Variants in ANGPTL2 observed in about 807,000 individuals in gnomAD.
ANGPTL2 encodes angiopoietin like 2.
Under a neutral mutation model 52.8 loss-of-function variants are expected in ANGPTL2, and 25 were observed. That is an observed-to-expected ratio of 0.47 (90% CI 0.35 to 0.66). The LOEUF (loss-of-function observed/expected upper bound fraction) is 0.66, where lower values mean the gene tolerates loss of function less well. Among genes scored for constraint, ANGPTL2 ranks in the 30% least tolerant of loss-of-function variants. The pLI is 0.01. For missense variants in ANGPTL2, 546 were observed against 656.9 expected, an observed-to-expected ratio of 0.83 and a Z score of 1.84; for synonymous variants, 276 against 277.4, an observed-to-expected ratio of 1.00 and a Z score of 0.05.
intron 2 of ANGPTL2, among the ~76,000 whole-genome samples, chr9:127,098,003 A>G (rs1258413528): frequency 1.3e-5 from 2 of 152,212 alleles, no homozygotes; most frequent in Non-Finnish European, 2.9e-5. Context: ...TGCTCTGTGA[A>G]GATTATCCCT....
intron 4 of ANGPTL2, among the ~76,000 whole-genome samples, chr9:127,090,022 A>G (rs114466746): frequency 5.9e-5 from 9 of 152,112 alleles, no homozygotes; most frequent in Non-Finnish European, 1.2e-4. Context: ...AGGAGGTCGC[A>G]CTCAGTCTGA....
intron 2 of ANGPTL2, among the ~76,000 whole-genome samples, chr9:127,099,772 A>C (rs1311107826): frequency 6.6e-6 from 1 of 152,272 alleles, no homozygotes; most frequent in African/African-American, 2.4e-5. Flanking sequence ...GTATGGTCCC[A>C]AAGGCATTTC....
intron 1 of ANGPTL2, among the ~76,000 whole-genome samples, chr9:127,117,020 T>G (rs2055503462): frequency 6.6e-6 from 1 of 151,330 alleles, no homozygotes; most frequent in Non-Finnish European, 1.5e-5. Context: ...TCCAGGGCTG[T>G]CTGTCTGACA....
Position 127,088,514 on chromosome 9 carries a change from G to C in ANGPTL2, c.*425C>G, listed in dbSNP as rs573087830. On this transcript the variant is annotated 3_prime_UTR_variant, in exon 5 of 5. Transcript: ENST00000373425. ...TGAGAACTGAATATATGTGTATTTA[G>C]GTATCTAAGGCAAACCTATATATGG... 1 of 183,492 alleles carries C rather than the reference G, an allele frequency of 5.4e-6. No homozygotes were observed. Among genetic ancestry groups the C allele is most frequent in the East Asian group, 1.5e-4 (1 of 6,876 alleles). 11.4% of individuals were successfully genotyped at this position (183,492 alleles called of 1,614,324 possible).
intron 1 of ANGPTL2, among the ~76,000 whole-genome samples, chr9:127,116,479 G>A (rs1258115417): frequency 6.6e-6 from 1 of 152,222 alleles, no homozygotes; most frequent in Non-Finnish European, 1.5e-5. Flanking sequence ...GGCCAACAGA[G>A]CAGAGGCGGG....
intron 2 of ANGPTL2, among the ~76,000 whole-genome samples, chr9:127,100,616 C>A (rs1229779095): frequency 6.6e-6 from 1 of 152,154 alleles, no homozygotes; most frequent in Admixed American, 6.5e-5. Context: ...TGAGGGAGGT[C>A]TCTGATGTAG....
At chr9:127,100,050 CATTA>C (rs2053565048) in intron 2 of ANGPTL2, among the ~76,000 whole-genome samples, 1 of 152,274 alleles carries the variant, frequency 6.6e-6, no homozygotes, top group South Asian at 2.1e-4. Context: ...TTGTCAAGTT[CATTA>C]ATTGTTAAAT....
intron 1 of ANGPTL2, among the ~76,000 whole-genome samples, chr9:127,113,954 G>C (rs963098945): frequency 6.6e-6 from 1 of 152,260 alleles, no homozygotes; most frequent in Non-Finnish European, 1.5e-5. Context: ...GGAGCTGTGT[G>C]TTCTGCCCTG....
intron 1 of ANGPTL2, among the ~76,000 whole-genome samples, chr9:127,112,879 A>G (rs886376993): frequency 1.8e-4 from 28 of 152,360 alleles, no homozygotes; most frequent in Admixed American, 1.6e-3. Context: ...GACCCTTCAC[A>G]TCAACATTCT....
intron 2 of ANGPTL2, chr9:127,106,924 C>CT (rs2054274081): frequency 6.6e-6 from 1 of 152,206 alleles, no homozygotes. Context: ...AAAGCACTGA[C>CT]TTGGAGTAGA....
intron 1 of ANGPTL2, among the ~76,000 whole-genome samples, chr9:127,119,590 C>G (rs2055829681): frequency 6.6e-6 from 1 of 152,130 alleles, no homozygotes; most frequent in South Asian, 2.1e-4. Context: ...AACCTACCTT[C>G]TAGGGTTGTG....
Position 127,089,029 on chromosome 9 carries a change from G to A in ANGPTL2, c.1392C>T (p.Asp464=), listed in dbSNP as rs555497244. The part of the protein sequence containing the change: ...RGGHYRSRYQ[D]GVYWAEFRGG... The stretch of plus-strand genomic sequence containing the variant: ...CTCGGAACTCAGCCCAGTAGACTCC[G>A]TCCTGGTAGCGGCTCCGGTAATGGC... Residue 464 remains aspartate, a synonymous_variant, in exon 5 of 5, where the codon GAC becomes GAT. Transcript: ENST00000373425. 3.9e-5 allele frequency: 63 copies of A among 1,614,202 alleles called. No homozygotes were observed. In the East Asian group the frequency reaches 6.5e-4, roughly 17 times the overall value.
intron 1 of ANGPTL2, among the ~76,000 whole-genome samples, chr9:127,110,655 C>T (rs931086957): frequency 3.9e-5 from 6 of 152,230 alleles, no homozygotes; most frequent in Non-Finnish European, 8.8e-5. Context: ...TATCTCCAAC[C>T]CAACCTGTTC....
At chr9:127,119,581 A>G (rs900173278) in intron 1 of ANGPTL2, among the ~76,000 whole-genome samples, 1 of 152,218 alleles carries the variant, frequency 6.6e-6, no homozygotes, top group Non-Finnish European at 1.5e-5. Flanking sequence ...TAAAACTAGA[A>G]CCTACCTTCT....
intron 2 of ANGPTL2, among the ~76,000 whole-genome samples, chr9:127,097,253 T>G (rs1361045508): frequency 6.6e-6 from 1 of 152,276 alleles, no homozygotes; most frequent in African/African-American, 2.4e-5. Flanking sequence ...TGTTATGATG[T>G]AGAAGAAGTT....
chr9:127,088,951 G>A lies in ANGPTL2; in HGVS notation c.1470C>T (p.Asn490=), dbSNP rs1195465010. Residue 490 remains asparagine, a synonymous_variant, in exon 5 of 5, where the codon AAC becomes AAT. Transcript: ENST00000373425. ...KVVMMIRPNP[N]TFH The stretch of plus-strand genomic sequence containing the variant: ...AGGGGGAGCTGGCTTAGTGGAAGGT[G>A]TTGGGGTTCGGTCGGATCATCATCA... 2.5e-6 allele frequency: 4 copies of A among 1,614,228 alleles called. No individual in the cohort carries two copies. Among genetic ancestry groups the A allele is most frequent in the Admixed American group, 3.3e-5 (2 of 60,030 alleles).
rs1285665928 is a variant in ANGPTL2 at position 127,088,824 on chromosome 9, C to T, written c.*115G>A. On this transcript the variant is annotated 3_prime_UTR_variant, in exon 5 of 5. Transcript: ENST00000373425. ...GACTTCGGAAAACAGAATCCAGCAT[C>T]CCGGTCCTCCCAGCCTCAGGATGAA... The T allele has an allele frequency of 2.4e-6, 3 of 1,226,624 alleles. No homozygotes were observed. Among genetic ancestry groups the T allele is most frequent in the African/African-American group, 3.0e-5 (2 of 66,814 alleles). The allele number at this position is 1,226,624 out of a possible 1,614,324, so 76.0% of individuals were successfully genotyped here.
At chr9:127,107,313 C>T (rs2054312392) in intron 2 of ANGPTL2, among the ~76,000 whole-genome samples, 2 of 152,140 alleles carry the variant, frequency 1.3e-5, no homozygotes, top group Admixed American at 6.5e-5. Context: ...TCCCCCATAA[C>T]GGTATTCGGA....
At chr9:127,093,698 T>C (rs1162478711) in intron 3 of ANGPTL2, 35 bp downstream of exon 3, 2 of 1,610,108 alleles carry the variant, frequency 1.2e-6, no homozygotes, top group African/African-American at 1.3e-5. Flanking sequence ...CCAGTCACCT[T>C]GTGGGCAGCA....
Sources: gnomAD v4.1 joint callset for allele counts (sites outside exome capture counted in the v4.1 genomes callset) on GRCh38, gnomAD v4.1.1 for gene constraint, MANE v1.5 for transcripts, NCBI Gene and HGNC (gene_info 2026-07-23, HGNC 2026-07-21) for gene names.